Variants in ADK observed in about 807,000 individuals in gnomAD.
ADK encodes adenosine kinase.
ADK carries 24 observed loss-of-function variants against 44.7 expected under a neutral mutation model. That is an observed-to-expected ratio of 0.54 (90% CI 0.39 to 0.76). ADK has a LOEUF of 0.76. Ranked by LOEUF, ADK falls within the 30% of genes least tolerant of loss-of-function variation. The pLI is 0.00. For synonymous variants in ADK, 128 were observed against 142.6 expected (o/e 0.90, Z 0.73); for missense variants, 321 against 425.1 (o/e 0.76, Z 2.15).
intron 1 of ADK, among the ~76,000 whole-genome samples, chr10:74,151,687 C>T (rs1478453936): frequency 1.3e-5 from 2 of 152,218 alleles, no homozygotes; most frequent in African/African-American, 4.8e-5. Flanking sequence ...TAGGCGGCCG[C>T]CTTCTCTTCC....
chr10:74,287,396 G>A (rs1258791925), intron 3 of ADK, among the ~76,000 whole-genome samples: 8 of 151,822 alleles, frequency 5.3e-5, no homozygotes, highest in African/African-American at 1.9e-4. Flanking sequence ...CCCAGGAGGC[G>A]GAGGTTGCAG....
At chr10:74,409,527 G>A (rs1234781524) in intron 6 of ADK, among the ~76,000 whole-genome samples, 2 of 152,074 alleles carry the variant, frequency 1.3e-5, no homozygotes, top group Non-Finnish European at 2.9e-5. Context: ...TAGCACTCAT[G>A]CCTATTTTCT....
At chr10:74,615,302 A>C (rs961265522) in intron 9 of ADK, among the ~76,000 whole-genome samples, 1 of 152,174 alleles carries the variant, frequency 6.6e-6, no homozygotes, top group African/African-American at 2.4e-5. Context: ...TTTGTAATAC[A>C]GGTAGGGTCA....
At chr10:74,176,959 C>G in intron 1 of ADK, 4 of 1,589,948 alleles carry the variant, frequency 2.5e-6, no homozygotes, top group East Asian at 4.5e-5. Flanking sequence ...CACTGTCGCT[C>G]CTTCTCGCGG....
chr10:74,412,409 G>A (rs1490837670), intron 6 of ADK, among the ~76,000 whole-genome samples: 1 of 152,112 alleles, frequency 6.6e-6, no homozygotes, highest in Admixed American at 6.5e-5. Flanking sequence ...CCAAAGCGCT[G>A]GGATTGCAGG....
chr10:74,287,736 T>C (rs1025861020), intron 3 of ADK, among the ~76,000 whole-genome samples: 2 of 152,032 alleles, frequency 1.3e-5, no homozygotes, highest in African/African-American at 4.8e-5. Context: ...GCATTGACGT[T>C]GCCTGTAATC....
At chr10:74,340,026 T>C (rs907383801) in intron 4 of ADK, among the ~76,000 whole-genome samples, 1 of 152,214 alleles carries the variant, frequency 6.6e-6, no homozygotes, top group African/African-American at 2.4e-5. Flanking sequence ...TATTTCATTG[T>C]TATTTTTAAA....
chr10:74,411,183 T>G (rs1189636473), intron 6 of ADK, among the ~76,000 whole-genome samples: 1 of 152,192 alleles, frequency 6.6e-6, no homozygotes, highest in Admixed American at 6.5e-5. Flanking sequence ...TCCTTGCAGG[T>G]GTCCTTAACT....
intron 9 of ADK, among the ~76,000 whole-genome samples, chr10:74,667,551 G>A (rs185003561): frequency 2.7e-4 from 38 of 141,984 alleles, no homozygotes; most frequent in Admixed American, 2.3e-3. Flanking sequence ...TTTTTCCTCC[G>A]AGAGGGAGTC....
chr10:74,681,899 C>T (rs1002212539), intron 10 of ADK, among the ~76,000 whole-genome samples: 1 of 150,988 alleles, frequency 6.6e-6, no homozygotes, highest in Non-Finnish European at 1.5e-5. Context: ...GTTATTTAGT[C>T]CTCTTGGAAA....
At chr10:74,554,840 G>A (rs1485830376) in intron 7 of ADK, among the ~76,000 whole-genome samples, 2 of 150,928 alleles carry the variant, frequency 1.3e-5, no homozygotes, top group Admixed American at 6.6e-5. Flanking sequence ...ACAGAATATC[G>A]TTCTTCATTT....
chr10:74,226,765 T>C (rs913673914), intron 3 of ADK, among the ~76,000 whole-genome samples: 26 of 152,186 alleles, frequency 1.7e-4, no homozygotes, highest in African/African-American at 5.6e-4. Context: ...TTGTTGCATA[T>C]ATCAGTTAAT....
At chr10:74,688,069 C>A (rs752465230) in intron 10 of ADK, among the ~76,000 whole-genome samples, 2 of 152,138 alleles carry the variant, frequency 1.3e-5, no homozygotes, top group Non-Finnish European at 2.9e-5. Context: ...TATTTCATTC[C>A]ATTTTCACCT....
intron 6 of ADK, among the ~76,000 whole-genome samples, chr10:74,413,235 T>TA (rs937890472): frequency 1.8e-4 from 26 of 146,648 alleles, no homozygotes; most frequent in East Asian, 2.0e-4. Flanking sequence ...CATTAGCCCC[T>TA]AAAAAAAAAA....
At chr10:74,218,139 TATAACTAGA>T (rs1844138586) in intron 2 of ADK, among the ~76,000 whole-genome samples, 1 of 152,030 alleles carries the variant, frequency 6.6e-6, no homozygotes, top group Non-Finnish European at 1.5e-5. Context: ...TAAACGAATG[TATAACTAGA>T]ATAACCAATA....
chr10:74,216,666 G>A (rs1326716516), intron 2 of ADK, among the ~76,000 whole-genome samples: 2 of 150,988 alleles, frequency 1.3e-5, no homozygotes, highest in African/African-American at 4.9e-5. Context: ...CAGAGGTTGC[G>A]GTGAGCCACA....
intron 2 of ADK, among the ~76,000 whole-genome samples, chr10:74,201,552 G>A (rs149115796): frequency 4.3e-3 from 654 of 152,050 alleles, no homozygotes; most frequent in Non-Finnish European, 6.8e-3. Context: ...ATCTCTTATT[G>A]TGCCTAATTT....
At chr10:74,334,756 C>T (rs922465736) in intron 4 of ADK, among the ~76,000 whole-genome samples, 4 of 152,082 alleles carry the variant, frequency 2.6e-5, no homozygotes, top group African/African-American at 9.7e-5. Context: ...GTTTTCCTGG[C>T]AGGCTTCATA....
At chr10:74,307,192 C>G (rs1840285351) in intron 3 of ADK, among the ~76,000 whole-genome samples, 1 of 152,178 alleles carries the variant, frequency 6.6e-6, no homozygotes. Context: ...TTTTTAGTTG[C>G]TCTTTTCTTG....
Sources: gnomAD v4.1 joint callset for allele counts (sites outside exome capture counted in the v4.1 genomes callset) on GRCh38, gnomAD v4.1.1 for gene constraint, MANE v1.5 for transcripts, NCBI Gene and HGNC (gene_info 2026-07-23, HGNC 2026-07-21) for gene names.